The following CD47 variants were observed in gnomAD, a reference collection of about 807,000 sequenced individuals.
CD47 encodes leukocyte surface antigen CD47.
Under a neutral mutation model 44.6 loss-of-function variants are expected in CD47, and 11 were observed. That is an observed-to-expected ratio of 0.25 (90% CI 0.16 to 0.41). The LOEUF is 0.41. Among genes scored for constraint, CD47 ranks in the 10% least tolerant of loss-of-function variants. The pLI is 1.00. For synonymous variants in CD47, 140 were observed against 136.3 expected (o/e 1.03, Z -0.19); for missense variants, 306 against 386.7 (o/e 0.79, Z 1.75).
At chr3:108,075,715 C>G (rs1239903228) in intron 2 of CD47, among the ~76,000 whole-genome samples, 1 of 152,132 alleles carries the variant, frequency 6.6e-6, no homozygotes, top group Non-Finnish European at 1.5e-5. Context: ...TTATATCACC[C>G]AGCAAAAGGG....
Position 108,057,569 on chromosome 3 carries a change from G to A in CD47, c.785C>T (p.Ala262Val), listed in dbSNP as rs754405285. Reference sequence around the variant, plus strand: ...AAGAGGGCCATGCATTGGTATACACGCTGTAAAAACAAATAAAATTCTGTA... The same window carrying A: ...AAGAGGGCCATGCATTGGTATACACACTGTAAAAACAAATAAAATTCTGTA... Reference protein sequence around the residue: ...AVVGLSLCIAACIPMHGPLLI... With the variant: ...AVVGLSLCIAVCIPMHGPLLI... Residue 262 changes from alanine (A) to valine (V), a missense_variant and splice_region_variant, in exon 7 of 11, where the codon GCG (alanine) becomes GTG (valine). Transcript: ENST00000361309. The A allele has an allele frequency of 3.1e-5, 45 of 1,441,710 alleles. No homozygotes were observed. Among genetic ancestry groups the A allele is most frequent in the South Asian group, 1.1e-4 (9 of 84,896 alleles). 89.3% of individuals were successfully genotyped at this position (1,441,710 alleles called of 1,614,324 possible).
chr3:108,064,062 C>A (rs549368416), intron 3 of CD47, among the ~76,000 whole-genome samples: 27 of 152,316 alleles, frequency 1.8e-4, no homozygotes, highest in Admixed American at 3.9e-4. Flanking sequence ...ATCTGTTCTA[C>A]AAATATTTAC....
At position 108,058,414 on chromosome 3, in the gene CD47, G is replaced by T; in HGVS notation, c.707C>A (p.Ser236Tyr). 1 of 1,563,900 alleles carries T rather than the reference G, an allele frequency of 6.4e-7. No individual in the cohort carries two copies. The highest frequency in any genetic ancestry group is 8.7e-7 in the Non-Finnish European group (1 of 1,152,096). ...YVFSTAIGLT[S>Y]FVIAILVIQV... ...AATAACCAATATGGCAATGACGAAG[G>T]AGGTTAATCCAATCGCTGGAGGAAG... Residue 236 changes from serine (S) to tyrosine (Y), a missense_variant, in exon 6 of 11, where the codon TCC becomes TAC. By Grantham distance (144) the Ser-to-Tyr change is moderately radical. Transcript: ENST00000361309.
chr3:108,081,793 G>A (rs1482766183), intron 1 of CD47, among the ~76,000 whole-genome samples: 1 of 151,832 alleles, frequency 6.6e-6, no homozygotes, highest in Non-Finnish European at 1.5e-5. Flanking sequence ...AAAAATGTAG[G>A]GTGATACTAT....
At chr3:108,055,516 G>A in intron 7 of CD47, 9 of 1,298,802 alleles carry the variant, frequency 6.9e-6, no homozygotes, top group Non-Finnish European at 9.1e-6. Flanking sequence ...CAACTTTCCT[G>A]TACCTTGTCT....
chr3:108,070,050 G>C (rs2079171821), intron 3 of CD47, among the ~76,000 whole-genome samples: 1 of 152,002 alleles, frequency 6.6e-6, no homozygotes. Context: ...AAATCACTAA[G>C]CATTTCCAGA....
chr3:108,077,913 G>A (rs1023723037), intron 2 of CD47, among the ~76,000 whole-genome samples: 1 of 152,022 alleles, frequency 6.6e-6, no homozygotes, highest in African/African-American at 2.4e-5. Context: ...GGGAGGTGGC[G>A]GTATGACTAG....
At position 108,044,435 on chromosome 3, in the gene CD47, AAAAAAAAAAAAAC is replaced by A. The variant is rs1218753962; in HGVS notation, c.*2840_*2852del. 145 of 7,256 alleles carry A rather than the reference AAAAAAAAAAAAAC, an allele frequency of 0.02. 2 individuals carry two copies. The highest frequency in any genetic ancestry group is 0.035 in the African/African-American group (103 of 2,906). 0.4% of individuals were successfully genotyped at this position (7,256 alleles called of 1,614,324 possible). A position where few individuals can be genotyped will look rare whatever the true frequency, so the allele number is the denominator to read the frequency against. ...TTAGTCAAAAAAAAAAAAAAAAAAAAAAAAAAAAAAAACAAAAAAAAAAAACAGAAAGAAAGAA... is the reference window on the plus strand; with the variant it reads ...TTAGTCAAAAAAAAAAAAAAAAAAAAAAAAAAAAAAAACAGAAAGAAAGAA... On this transcript the variant is annotated 3_prime_UTR_variant, in exon 11 of 11. Transcript: ENST00000361309.
intron 2 of CD47, among the ~76,000 whole-genome samples, chr3:108,078,899 T>C (rs2079361468): frequency 6.6e-6 from 1 of 152,074 alleles, no homozygotes; most frequent in African/African-American, 2.4e-5. Flanking sequence ...AGCAAGTATC[T>C]ATTGTCATCT....
chr3:108,077,617 G>T (rs1050628390), intron 2 of CD47, among the ~76,000 whole-genome samples: 2 of 152,014 alleles, frequency 1.3e-5, no homozygotes, highest in Admixed American at 1.3e-4. Flanking sequence ...AGTTTCATTT[G>T]TAACAGCCCA....
intron 9 of CD47, 31 bp from the exon 10 acceptor site, chr3:108,049,682 TAGTG>T: frequency 6.4e-7 from 1 of 1,563,896 alleles, no homozygotes; most frequent in East Asian, 2.2e-5. Flanking sequence ...AGCAGGCAGT[TAGTG>T]AGGTTCCACA....
At chr3:108,062,418 G>A (rs2079030295) in intron 3 of CD47, among the ~76,000 whole-genome samples, 2 of 152,064 alleles carry the variant, frequency 1.3e-5, no homozygotes, top group African/African-American at 2.4e-5. Context: ...CATATATATT[G>A]TTATCTAAAT....
intron 6 of CD47, among the ~76,000 whole-genome samples, chr3:108,057,864 C>A (rs2078938308): frequency 6.6e-6 from 1 of 152,280 alleles, no homozygotes; most frequent in South Asian, 2.1e-4. Context: ...ACAGGCATAT[C>A]AGTTTGGGTG....
intron 2 of CD47, among the ~76,000 whole-genome samples, chr3:108,075,731 G>C (rs2079298617): frequency 6.6e-6 from 1 of 152,190 alleles, no homozygotes; most frequent in African/African-American, 2.4e-5. Context: ...AAGGGAGTTT[G>C]CTGATGTAAT....
intron 9 of CD47, among the ~76,000 whole-genome samples, chr3:108,050,144 A>G (rs998531300): frequency 6.6e-6 from 1 of 152,092 alleles, no homozygotes; most frequent in Admixed American, 6.5e-5. Context: ...TTTGAGACAG[A>G]GTCTCACTCT....
intron 3 of CD47, among the ~76,000 whole-genome samples, chr3:108,061,869 T>C (rs1189324467): frequency 6.6e-6 from 1 of 152,324 alleles, no homozygotes; most frequent in South Asian, 2.1e-4. Context: ...ATATTTTAAA[T>C]GTTATATTTA....
rs766080877 is a variant in CD47, at chr3:108,060,864, AAAAC to A, written c.491-16_491-13del. On this transcript the variant is annotated splice_polypyrimidine_tract_variant and intron_variant, in intron 3 of 10. Coordinates refer to ENST00000361309, the MANE Select transcript of CD47 (RefSeq NM_001777.4). ...TCTATATTTAAGTGCTTAAAAAAGA[AAAAC>A]AAAGAATTATATGAACTCAATCACA... The A allele has an allele frequency of 3.2e-6, 5 of 1,551,362 alleles. No homozygotes were observed. The highest frequency in any genetic ancestry group is 1.7e-5 in the Admixed American group (1 of 59,870).
At chr3:108,067,815 AAG>A (rs765260817) in intron 3 of CD47, among the ~76,000 whole-genome samples, 35 of 152,302 alleles carry the variant, frequency 2.3e-4, no homozygotes, top group Admixed American at 9.2e-4. Context: ...CTGGGAGTTT[AAG>A]AGTCTTCTCA....
At chr3:108,077,123 T>C (rs1316033340) in intron 2 of CD47, among the ~76,000 whole-genome samples, 2 of 152,174 alleles carry the variant, frequency 1.3e-5, no homozygotes, top group African/African-American at 2.4e-5. Context: ...TGGTCACTAT[T>C]ATCTGCATTC....
Sources: gnomAD v4.1 joint callset for allele counts (sites outside exome capture counted in the v4.1 genomes callset) on GRCh38, gnomAD v4.1.1 for gene constraint, MANE v1.5 for transcripts, NCBI Gene and HGNC (gene_info 2026-07-23, HGNC 2026-07-21) for gene names.